The following CFAP299 variants were observed in gnomAD, a reference collection of about 807,000 sequenced individuals.
CFAP299 encodes cilia and flagella associated protein 299, also known as cilia- and flagella-associated protein 299.
In CFAP299, 21 loss-of-function variants were observed where a neutral mutation model predicts 27.0. The ratio of observed to expected loss-of-function variants is 0.78; its 90% CI spans 0.55 to 1.12. The LOEUF (loss-of-function observed/expected upper bound fraction) is 1.12, where lower values mean the gene tolerates loss of function less well. Ranked by LOEUF, CFAP299 falls within the 50% of genes most tolerant of loss-of-function variation. The pLI, the probability that CFAP299 is intolerant of heterozygous loss-of-function variation, is 0.00. For synonymous variants in CFAP299, 104 were observed against 98.1 expected, an observed-to-expected ratio of 1.06 and a Z score of -0.36; for missense variants, 310 against 276.6, an observed-to-expected ratio of 1.12 and a Z score of -0.86.
intron 2 of CFAP299, among the ~76,000 whole-genome samples, chr4:80,469,432 G>A (rs1358310094): frequency 6.6e-6 from 1 of 152,120 alleles, no homozygotes; most frequent in Non-Finnish European, 1.5e-5. Context: ...TTTGTCTTAA[G>A]TTTTCTCATC....
At chr4:80,888,358 A>G (rs748010405) in intron 4 of CFAP299, among the ~76,000 whole-genome samples, 28 of 152,166 alleles carry the variant, frequency 1.8e-4, no homozygotes, top group Admixed American at 1.7e-3. Context: ...TGAACAAAAT[A>G]GATTTCAAGA....
intron 3 of CFAP299, among the ~76,000 whole-genome samples, chr4:80,846,702 G>A (rs1731203016): frequency 2.0e-5 from 3 of 152,226 alleles, no homozygotes; most frequent in Admixed American, 2.0e-4. Flanking sequence ...TAATTGATGA[G>A]ATTCTGCTCA....
chr4:80,474,316 T>A (rs982246717), intron 2 of CFAP299, among the ~76,000 whole-genome samples: 3 of 152,232 alleles, frequency 2.0e-5, no homozygotes, highest in Non-Finnish European at 4.4e-5. Context: ...ATCTGGCTTT[T>A]CTGCCTGAAA....
At chr4:80,712,231 C>T (rs1722218018) in intron 3 of CFAP299, among the ~76,000 whole-genome samples, 1 of 152,138 alleles carries the variant, frequency 6.6e-6, no homozygotes, top group Non-Finnish European at 1.5e-5. Flanking sequence ...CTCCTCAGAA[C>T]CATTCCTTCT....
chr4:80,807,686 C>T (rs72879982), intron 3 of CFAP299, among the ~76,000 whole-genome samples: 1,622 of 152,078 alleles, frequency 0.011, 29 homozygotes, highest in African/African-American at 0.036. Context: ...TTAAAAAGTG[C>T]TTTCACATTG....
At chr4:80,563,321 C>A (rs1036811888) in intron 2 of CFAP299, among the ~76,000 whole-genome samples, 3 of 151,928 alleles carry the variant, frequency 2.0e-5, no homozygotes, top group Admixed American at 1.3e-4. Flanking sequence ...TTAAAACATT[C>A]AAAAAATTAA....
chr4:80,725,438 G>T (rs1723102168), intron 3 of CFAP299, among the ~76,000 whole-genome samples: 1 of 151,798 alleles, frequency 6.6e-6, no homozygotes. Flanking sequence ...TCCTTCAAAT[G>T]TCTGGAGATA....
intron 4 of CFAP299, among the ~76,000 whole-genome samples, chr4:80,876,754 A>G (rs368822996): frequency 2.6e-5 from 4 of 152,268 alleles, no homozygotes; most frequent in African/African-American, 9.6e-5. Flanking sequence ...TAAGACTTTG[A>G]CATGTAAAGA....
chr4:80,759,137 G>A (rs1013999516), intron 3 of CFAP299, among the ~76,000 whole-genome samples: 1 of 151,920 alleles, frequency 6.6e-6, no homozygotes, highest in African/African-American at 2.4e-5. Flanking sequence ...TTTTTTTCCA[G>A]CATGGTTCAA....
intron 3 of CFAP299, among the ~76,000 whole-genome samples, chr4:80,850,439 T>C (rs2110147455): frequency 6.6e-6 from 1 of 152,188 alleles, no homozygotes; most frequent in South Asian, 2.1e-4. Flanking sequence ...GAGAAAATGG[T>C]AATACTTTAT....
intron 3 of CFAP299, among the ~76,000 whole-genome samples, chr4:80,624,831 T>A (rs1933215754): frequency 1.3e-5 from 2 of 152,114 alleles, no homozygotes; most frequent in Admixed American, 6.6e-5. Context: ...AAGAGGTTGA[T>A]AAATTTAAAG....
chr4:80,556,417 T>C lies in CFAP299; in HGVS notation c.243-26676T>C, dbSNP rs530695527. 2.4e-4 allele frequency among the ~76,000 whole-genome samples: 37 copies of C among 152,190 alleles called. No homozygotes were observed. The South Asian group carries it at 2.9e-3, about 12-fold the overall frequency. On this transcript the variant is annotated intron_variant, in intron 2 of 5. Transcript: ENST00000358105. Reference sequence around the variant, plus strand: ...GGCATACAACAATTTAACACAATAATTATATATTACTGATAATATATATTA... The same window carrying C: ...GGCATACAACAATTTAACACAATAACTATATATTACTGATAATATATATTA...
chr4:80,783,623 A>G (rs1026036624), intron 3 of CFAP299, among the ~76,000 whole-genome samples: 2 of 152,192 alleles, frequency 1.3e-5, no homozygotes, highest in African/African-American at 2.4e-5. Context: ...TAATTAGGCT[A>G]AAAGCAATAT....
Position 80,413,750 on chromosome 4 carries a change from C to CTTTTTTT in CFAP299, c.242+50877_242+50883dup, listed in dbSNP as rs66780627. Among the ~76,000 whole-genome samples the CTTTTTTT allele has an allele frequency of 1.1e-3, 123 of 108,148 alleles. 2 individuals are homozygous for CTTTTTTT. The highest frequency in any genetic ancestry group is 1.3e-3 in the Non-Finnish European group (75 of 56,266). 70.9% of individuals were successfully genotyped at this position (108,148 alleles called of 152,430 possible). A position where few individuals can be genotyped will look rare whatever the true frequency, so the allele number is the denominator to read the frequency against. On this transcript the variant is annotated intron_variant, in intron 2 of 5. Transcript: ENST00000358105. Reference sequence around the variant, plus strand: ...CATTTGTCTGTATGTTTGTGTCATTCTTTTTTTTTTTTTTTTTGCTTTTAA... The same window carrying CTTTTTTT: ...CATTTGTCTGTATGTTTGTGTCATTCTTTTTTTTTTTTTTTTTTTTTTTTGCTTTTAA...
intron 2 of CFAP299, among the ~76,000 whole-genome samples, chr4:80,432,854 G>C (rs889862185): frequency 6.6e-6 from 1 of 151,990 alleles, no homozygotes; most frequent in Non-Finnish European, 1.5e-5. Flanking sequence ...TTCTGTGCAA[G>C]GTAATAAAAA....
chr4:80,460,987 G>A (rs1342940024), intron 2 of CFAP299, among the ~76,000 whole-genome samples: 1 of 152,198 alleles, frequency 6.6e-6, no homozygotes, highest in Non-Finnish European at 1.5e-5. Context: ...ATTAATGCAT[G>A]TAAGATGTAC....
intron 2 of CFAP299, chr4:80,387,387 G>T: frequency 8.7e-7 from 1 of 1,143,940 alleles, no homozygotes; most frequent in Non-Finnish European, 1.3e-6. Flanking sequence ...GACTTGAGCT[G>T]GAAATAGGTG....
chr4:80,938,446 A>C (rs2110225451), intron 4 of CFAP299, among the ~76,000 whole-genome samples: 1 of 152,352 alleles, frequency 6.6e-6, no homozygotes, highest in South Asian at 2.1e-4. Flanking sequence ...ATAACTAGCC[A>C]AACGCATCAC....
intron 3 of CFAP299, among the ~76,000 whole-genome samples, chr4:80,689,677 A>G (rs1206221897): frequency 6.6e-6 from 1 of 152,212 alleles, no homozygotes; most frequent in African/African-American, 2.4e-5. Context: ...GACAGGATCA[A>G]ATTCACACAT....
Sources: gnomAD v4.1 joint callset for allele counts (sites outside exome capture counted in the v4.1 genomes callset) on GRCh38, gnomAD v4.1.1 for gene constraint, MANE v1.5 for transcripts, NCBI Gene and HGNC (gene_info 2026-07-23, HGNC 2026-07-21) for gene names.